The following PCDH15 variants were observed in gnomAD, a reference collection of about 807,000 sequenced individuals.
The protein encoded by PCDH15 is protocadherin related 15.
In PCDH15, 129 loss-of-function variants were observed where a neutral mutation model predicts 178.5. The ratio of observed to expected loss-of-function variants is 0.72; its 90% CI spans 0.63 to 0.84. The LOEUF is 0.84. Among genes scored for constraint, PCDH15 ranks in the 40% least tolerant of loss-of-function variants. The pLI, the probability that PCDH15 is intolerant of heterozygous loss-of-function variation, is 0.00. For missense variants in PCDH15, 2,230 were observed against 2,099.9 expected (o/e 1.06, Z -1.21); for synonymous variants, 800 against 732.0 (o/e 1.09, Z -1.50).
chr10:55,612,259 C>T (rs1843382535), intron 2 of PCDH15, among the ~76,000 whole-genome samples: 1 of 151,896 alleles, frequency 6.6e-6, no homozygotes, highest in Non-Finnish European at 1.5e-5. Flanking sequence ...ACAATGTATA[C>T]ATGTATCTTA....
At chr10:55,535,425 T>C (rs1421458307) in intron 2 of PCDH15, among the ~76,000 whole-genome samples, 3 of 152,012 alleles carry the variant, frequency 2.0e-5, no homozygotes, top group African/African-American at 7.2e-5. Context: ...AACTTTTCTT[T>C]TTTATTTTAT....
intron 1 of PCDH15, among the ~76,000 whole-genome samples, chr10:55,191,501 A>ATGAC (rs879487228): frequency 6.6e-6 from 1 of 151,850 alleles, no homozygotes; most frequent in Non-Finnish European, 1.5e-5. Flanking sequence ...ACTAAGTGAT[A>ATGAC]TGACTAAAGG....
chr10:54,847,797 A>C (rs1387130634), intron 3 of PCDH15, among the ~76,000 whole-genome samples: 1 of 152,210 alleles, frequency 6.6e-6, no homozygotes, highest in East Asian at 1.9e-4. Context: ...CATTAAATTC[A>C]CTAGTATTTT....
intron 3 of PCDH15, among the ~76,000 whole-genome samples, chr10:54,891,067 T>A (rs1591765980): frequency 6.6e-6 from 1 of 152,080 alleles, no homozygotes; most frequent in African/African-American, 2.4e-5. Context: ...GTGGTCCTTT[T>A]GACACCGATG....
intron 2 of PCDH15, among the ~76,000 whole-genome samples, chr10:55,158,010 A>G (rs1838941547): frequency 6.6e-6 from 1 of 151,734 alleles, no homozygotes; most frequent in South Asian, 2.1e-4. Context: ...CTATTGGTAA[A>G]TTTATTATGC....
chr10:55,602,448 C>G (rs1843108921), intron 2 of PCDH15, among the ~76,000 whole-genome samples: 1 of 152,140 alleles, frequency 6.6e-6, no homozygotes, highest in Non-Finnish European at 1.5e-5. Flanking sequence ...CACAGACAAA[C>G]AAAAAGACAG....
At chr10:55,225,679 G>C (rs1354089165) in intron 1 of PCDH15, among the ~76,000 whole-genome samples, 1 of 149,434 alleles carries the variant, frequency 6.7e-6, no homozygotes, top group African/African-American at 2.5e-5. Flanking sequence ...GAGAAACGGA[G>C]AGAGAAGGAA....
chr10:54,602,612 G>A (rs1396322718), intron 2 of PCDH15, among the ~76,000 whole-genome samples: 1 of 151,776 alleles, frequency 6.6e-6, no homozygotes, highest in African/African-American at 2.4e-5. Context: ...TTCTTATATG[G>A]CTATTATTGT....
rs997577449 is a variant in PCDH15 at position 54,170,354 on chromosome 10, C to T, written c.1590+13090G>A. Among the ~76,000 whole-genome samples the T allele has an allele frequency of 2.0e-3, 308 of 152,104 alleles. 3 individuals are homozygous for T. Among genetic ancestry groups the T allele is most frequent in the African/African-American group, 6.4e-3 (267 of 41,430 alleles). ...AGGACCACACCCTGTAGCCTTTCTG[C>T]CCAAACAACTTGACCTTACTGTTTT... On this transcript the variant is annotated intron_variant, in intron 13 of 37. Transcript: ENST00000644397.
intron 1 of PCDH15, among the ~76,000 whole-genome samples, chr10:55,268,512 G>A (rs1282708819): frequency 1.3e-5 from 2 of 152,034 alleles, no homozygotes; most frequent in African/African-American, 2.4e-5. Flanking sequence ...TTGCTTTCAA[G>A]GAAATTAGCA....
At chr10:54,223,060 C>T (rs1039466300) in intron 9 of PCDH15, among the ~76,000 whole-genome samples, 3 of 151,818 alleles carry the variant, frequency 2.0e-5, no homozygotes, top group Admixed American at 2.0e-4. Flanking sequence ...GCCTGTTATC[C>T]CAGCACTTTC....
Position 55,429,983 on chromosome 10 carries a change from A to G in PCDH15, c.-156+197642T>C, listed in dbSNP as rs11004853. Among the ~76,000 whole-genome samples, 298 of 152,342 alleles carry G rather than the reference A, an allele frequency of 2.0e-3. 4 individuals are homozygous for G. In the East Asian group the frequency reaches 0.04, roughly 20 times the overall value. On this transcript the variant is annotated intron_variant, in intron 2 of 5. Transcript: ENST00000613346. The stretch of plus-strand genomic sequence containing the variant: ...GTAATCGTTTATTTTTTATTTAACT[A>G]TAACATTTAATTTCTTGGCATACTT...
intron 3 of PCDH15, among the ~76,000 whole-genome samples, chr10:54,822,947 T>C (rs1953071129): frequency 6.6e-6 from 1 of 152,018 alleles, no homozygotes; most frequent in Admixed American, 6.6e-5. Flanking sequence ...AGTGGCAAAA[T>C]CTCGGCTCAC....
intron 2 of PCDH15, among the ~76,000 whole-genome samples, chr10:55,445,261 T>A (rs1469279818): frequency 6.6e-6 from 1 of 152,112 alleles, no homozygotes. Flanking sequence ...TTGAACACCT[T>A]GGTTTTCCTG....
intron 3 of PCDH15, among the ~76,000 whole-genome samples, chr10:54,841,624 G>T (rs1304334869): frequency 1.3e-5 from 2 of 151,584 alleles, no homozygotes; most frequent in African/African-American, 4.8e-5. Context: ...TTTCAATAAA[G>T]CTGGTAAAAA....
intron 2 of PCDH15, among the ~76,000 whole-genome samples, chr10:55,477,701 G>A (rs1054006904): frequency 1.3e-5 from 2 of 151,930 alleles, no homozygotes; most frequent in African/African-American, 4.8e-5. Context: ...TAATAGCTAT[G>A]AGGGTAAGTG....
intron 13 of PCDH15, among the ~76,000 whole-genome samples, chr10:54,179,163 C>A (rs1042323319): frequency 9.9e-5 from 15 of 152,050 alleles, no homozygotes; most frequent in African/African-American, 3.4e-4. Context: ...GACTTGGAAC[C>A]AACCCAAATG....
chr10:54,732,862 A>C (rs979025466), intron 1 of PCDH15, among the ~76,000 whole-genome samples: 13 of 151,590 alleles, frequency 8.6e-5, no homozygotes, highest in Non-Finnish European at 1.5e-4. Context: ...GATTCCAGTA[A>C]TGAGAGCCTG....
At chr10:54,839,859 T>C (rs1260022881) in intron 3 of PCDH15, among the ~76,000 whole-genome samples, 1 of 151,870 alleles carries the variant, frequency 6.6e-6, no homozygotes, top group Non-Finnish European at 1.5e-5. Context: ...TGGAATTACA[T>C]ATTCAAAGTG....
Sources: allele counts gnomAD v4.1 joint callset (sites outside exome capture counted in the v4.1 genomes callset), GRCh38; gene constraint gnomAD v4.1.1; transcripts MANE v1.5; gene names NCBI Gene and HGNC (gene_info 2026-07-23, HGNC 2026-07-21).